Variants in BANK1 observed in about 807,000 individuals in gnomAD.
BANK1 encodes B cell scaffold protein with ankyrin repeats 1.
Under a neutral mutation model 94.5 loss-of-function variants are expected in BANK1, and 95 were observed. That is an observed-to-expected ratio of 1.00 (90% CI 0.85 to 1.19). The LOEUF (loss-of-function observed/expected upper bound fraction) is 1.19, where lower values mean the gene tolerates loss of function less well. Ranked by LOEUF, BANK1 falls within the 50% of genes most tolerant of loss-of-function variation. The probability of loss-of-function intolerance (pLI) is 0.00; values close to 1 mark genes in which losing one functional copy is unlikely to be tolerated. For missense variants in BANK1, 987 were observed against 932.2 expected, an observed-to-expected ratio of 1.06 and a Z score of -0.77; for synonymous variants, 334 against 308.4, an observed-to-expected ratio of 1.08 and a Z score of -0.87.
At chr4:102,034,590 G>A (rs1459389300) in intron 10 of BANK1, among the ~76,000 whole-genome samples, 1 of 152,170 alleles carries the variant, frequency 6.6e-6, no homozygotes, top group African/African-American at 2.4e-5. Context: ...AGGGAAAATA[G>A]TAGTGCTGGA....
chr4:101,943,467 T>A (rs573295058), intron 7 of BANK1, among the ~76,000 whole-genome samples: 1 of 151,740 alleles, frequency 6.6e-6, no homozygotes, highest in African/African-American at 2.4e-5. Context: ...GGACAACAGG[T>A]CATGGTGGGT....
chr4:101,813,062 G>A (rs1368943636), intron 1 of BANK1, among the ~76,000 whole-genome samples: 4 of 151,912 alleles, frequency 2.6e-5, no homozygotes, highest in Non-Finnish European at 5.9e-5. Flanking sequence ...ACACCCCCCT[G>A]AATCACCATT....
chr4:102,030,079 G>A lies in BANK1; in HGVS notation c.1714G>A (p.Glu572Lys). 2 of 1,613,892 alleles carry A rather than the reference G, an allele frequency of 1.2e-6. No individual in the cohort carries two copies. Among genetic ancestry groups the A allele is most frequent in the Non-Finnish European group, 1.7e-6 (2 of 1,179,902 alleles). ...KEKKEEEKEQEEEEDPYTFAE... is the reference protein window; with the variant it reads ...KEKKEEEKEQKEEEDPYTFAE... ...GAAGAAAGAAGAGGAAAAAGAGCAG[G>A]AGGAGGAAGAAGACCCATATACTTT... Residue 572 changes from glutamate to lysine, a missense_variant, in exon 10 of 17, where the codon GAG becomes AAG. By Grantham distance (56) the Glu-to-Lys change is moderately conservative (BLOSUM62 1). Transcript: ENST00000322953.
At chr4:101,970,698 G>C (rs1385236389) in intron 7 of BANK1, among the ~76,000 whole-genome samples, 2 of 152,014 alleles carry the variant, frequency 1.3e-5, no homozygotes, top group African/African-American at 4.8e-5. Flanking sequence ...CTTCCAGCCA[G>C]TCTCCACAGT....
At chr4:101,798,095 G>C (rs1251628116) in intron 1 of BANK1, among the ~76,000 whole-genome samples, 1 of 152,148 alleles carries the variant, frequency 6.6e-6, no homozygotes, top group Non-Finnish European at 1.5e-5. Flanking sequence ...AAATTCTTTT[G>C]ATAGGTCAGG....
intron 9 of BANK1, among the ~76,000 whole-genome samples, chr4:102,028,555 C>T (rs1255284247): frequency 8.6e-5 from 13 of 152,004 alleles, no homozygotes; most frequent in Non-Finnish European, 1.3e-4. Flanking sequence ...CCACTAAAAT[C>T]TTCATAAGTA....
chr4:101,899,098 G>A (rs903706040), intron 6 of BANK1, among the ~76,000 whole-genome samples: 16 of 151,716 alleles, frequency 1.1e-4, no homozygotes, highest in Middle Eastern at 3.2e-3. Context: ...GACCTGTTCC[G>A]TTTGCATTTT....
At chr4:102,037,835 T>C (rs550497679) in intron 10 of BANK1, among the ~76,000 whole-genome samples, 1 of 152,330 alleles carries the variant, frequency 6.6e-6, no homozygotes, top group South Asian at 2.1e-4. Flanking sequence ...ATAGTTCCTG[T>C]GATGGAAGGT....
In BANK1 at chr4:102,040,342, T is replaced by G. The variant is rs1387005378; in HGVS notation, c.1901-3497T>G. On this transcript the variant is annotated intron_variant, in intron 10 of 16. Coordinates refer to ENST00000322953, the MANE Select transcript of BANK1 (RefSeq NM_017935.5). ...ATGTTTAAAATAAAAAAGGGTATTA[T>G]TTGGGAAATTTGTATTCTTTGGGAT... 2.6e-5 allele frequency among the ~76,000 whole-genome samples: 4 copies of G among 152,220 alleles called. No homozygotes were observed. The East Asian group carries it at 7.7e-4, about 29-fold the overall frequency.
At chr4:101,999,348 C>G (rs530331448) in intron 7 of BANK1, among the ~76,000 whole-genome samples, 1 of 152,282 alleles carries the variant, frequency 6.6e-6, no homozygotes, top group African/African-American at 2.4e-5. Flanking sequence ...TCAAAGCCAG[C>G]AGCATAGCAC....
rs142828806 is a variant in BANK1 at position 101,860,031 on chromosome 4, C to T, written c.625-2495C>T. Among the ~76,000 whole-genome samples, 1,263 of 152,188 alleles carry T rather than the reference C, an allele frequency of 8.3e-3. 15 individuals carry two copies. The highest frequency in any genetic ancestry group is 0.034 in the Middle Eastern group (10 of 294). On this transcript the variant is annotated intron_variant, in intron 3 of 16. Transcript: ENST00000322953. ...TGAAAGTTCTAAAACTCTTTGTGAG[C>T]TGAAGTTGCAGGAGGATTTTGTGGA...
At chr4:101,989,211 G>A (rs1018768898) in intron 7 of BANK1, among the ~76,000 whole-genome samples, 10 of 151,922 alleles carry the variant, frequency 6.6e-5, no homozygotes, top group Non-Finnish European at 1.2e-4. Context: ...TTGGGAGGCC[G>A]AGGCGGGCGG....
chr4:102,054,471 T>C (rs1728161231), intron 11 of BANK1, among the ~76,000 whole-genome samples: 1 of 152,036 alleles, frequency 6.6e-6, no homozygotes, highest in African/African-American at 2.4e-5. Flanking sequence ...AGAAAGAGCT[T>C]TGAGCCCTCA....
At chr4:101,965,061 C>T (rs1309619632) in intron 7 of BANK1, among the ~76,000 whole-genome samples, 3 of 151,072 alleles carry the variant, frequency 2.0e-5, no homozygotes, top group African/African-American at 7.3e-5. Context: ...TGATGATTTC[C>T]AATTTCATCC....
At chr4:101,866,461 G>A (rs551353724) in intron 4 of BANK1, among the ~76,000 whole-genome samples, 1 of 152,178 alleles carries the variant, frequency 6.6e-6, no homozygotes, top group South Asian at 2.1e-4. Flanking sequence ...GCATATTAAT[G>A]ACAGATCAAA....
chr4:101,797,972 G>A (rs1725216178), intron 1 of BANK1, among the ~76,000 whole-genome samples: 1 of 152,168 alleles, frequency 6.6e-6, no homozygotes, highest in East Asian at 1.9e-4. Flanking sequence ...TGGTAGAGAA[G>A]GAGGAGTTGC....
At chr4:101,936,085 G>T (rs1372784844) in intron 7 of BANK1, among the ~76,000 whole-genome samples, 1 of 151,018 alleles carries the variant, frequency 6.6e-6, no homozygotes, top group Non-Finnish European at 1.5e-5. Context: ...ATACAGCAAA[G>T]GAAACAATAA....
rs745347531 is a variant in BANK1 at position 101,895,352 on chromosome 4, T to A, written c.951T>A (p.His317Gln). 5 of 1,577,732 alleles carry A rather than the reference T, an allele frequency of 3.2e-6. No individual in the cohort carries two copies. In the East Asian group the frequency reaches 1.2e-4, roughly 37 times the overall value. Residue 317 changes from histidine to glutamine, a missense_variant, in exon 6 of 17, where the codon CAT becomes CAA. His to Gln is a conservative substitution (Grantham distance 24, BLOSUM62 0). Coordinates refer to ENST00000322953, the MANE Select transcript of BANK1 (RefSeq NM_017935.5). ...GTGTCCTTACATCCATATTCAAACA[T>A]GAGATACCATATTATGAGTTCCAGT... is the stretch of plus-strand genomic sequence containing the variant. ...LDGVLTSIFK[H>Q]EIPYYEFQSL...
intron 9 of BANK1, among the ~76,000 whole-genome samples, chr4:102,028,949 C>G (rs1030795044): frequency 2.0e-5 from 3 of 151,436 alleles, no homozygotes; most frequent in Admixed American, 2.0e-4. Flanking sequence ...CGATCTTGCT[C>G]TGTTGCCCAG....
Sources: gnomAD v4.1 joint callset for allele counts (sites outside exome capture counted in the v4.1 genomes callset) on GRCh38, gnomAD v4.1.1 for gene constraint, MANE v1.5 for transcripts, NCBI Gene and HGNC (gene_info 2026-07-23, HGNC 2026-07-21) for gene names.